The following EDEM3 variants were observed in gnomAD, a reference collection of about 807,000 sequenced individuals.
The protein encoded by EDEM3 is ER degradation-enhancing alpha-mannosidase-like protein 3.
In EDEM3, 60 loss-of-function variants were observed where a neutral mutation model predicts 110.2. That is an observed-to-expected ratio of 0.54 (90% confidence interval 0.44 to 0.67). The LOEUF (loss-of-function observed/expected upper bound fraction) is 0.67. Ranked by LOEUF, EDEM3 falls within the 30% of genes least tolerant of loss-of-function variation. The pLI, the probability that EDEM3 is intolerant of heterozygous loss-of-function variation, is 0.00. For missense variants in EDEM3, 996 were observed against 1,121.0 expected, an observed-to-expected ratio of 0.89 and a Z score of 1.59; for synonymous variants, 352 against 382.9, an observed-to-expected ratio of 0.92 and a Z score of 0.94.
At chr1:184,720,943 C>T (rs1650866225) in intron 9 of EDEM3, 2 of 190,616 alleles carry the variant, frequency 1.0e-5, no homozygotes, top group African/African-American at 2.4e-5. Flanking sequence ...TCCAAGATTT[C>T]AAAAAGAATT....
intron 7 of EDEM3, among the ~76,000 whole-genome samples, chr1:184,725,811 C>T (rs762188869): frequency 4.6e-5 from 7 of 151,880 alleles, no homozygotes; most frequent in Non-Finnish European, 8.8e-5. Context: ...TTGCAGTAAA[C>T]AAATTTACAG....
chr1:184,718,600 CA>C (rs777791746), intron 11 of EDEM3, among the ~76,000 whole-genome samples: 1 of 152,022 alleles, frequency 6.6e-6, no homozygotes, highest in South Asian at 2.1e-4. Flanking sequence ...TCTGGGAAGC[CA>C]AAAAGTATGC....
intron 9 of EDEM3, among the ~76,000 whole-genome samples, chr1:184,720,047 G>C (rs1558054986): frequency 6.6e-6 from 1 of 152,132 alleles, no homozygotes; most frequent in Non-Finnish European, 1.5e-5. Flanking sequence ...CTTATGGTTT[G>C]CTATCTCAGC....
intron 2 of EDEM3, among the ~76,000 whole-genome samples, chr1:184,748,482 AC>A (rs1412407584): frequency 2.6e-5 from 4 of 151,988 alleles, no homozygotes; most frequent in African/African-American, 7.2e-5. Context: ...AACAAAAAAA[AC>A]ATTAAGGGAA....
At chr1:184,737,849 C>A in intron 2 of EDEM3, 138 bp from the exon 3 acceptor site, 1 of 709,050 alleles carries the variant, frequency 1.4e-6, no homozygotes, top group Non-Finnish European at 2.2e-6. Context: ...GGAATCTTTT[C>A]AAAAATCTTT....
intron 2 of EDEM3, 88 bp downstream of exon 2, chr1:184,749,454 AATTGT>A: frequency 1.0e-6 from 1 of 986,982 alleles, no homozygotes; most frequent in Non-Finnish European, 1.5e-6. Flanking sequence ...TAAAAAATGT[AATTGT>A]ATTGTAGGTT....
At chr1:184,717,424 C>A in intron 12 of EDEM3, 116 bp downstream of exon 12, 1 of 718,612 alleles carries the variant, frequency 1.4e-6, no homozygotes, top group South Asian at 1.9e-5. Context: ...ATGATATATC[C>A]AATCATTATA....
At chr1:184,721,208 T>C (rs1394852524) in intron 9 of EDEM3, 81 bp downstream of exon 9, 1 of 1,063,768 alleles carries the variant, frequency 9.4e-7, no homozygotes. Flanking sequence ...ATTTTTACAA[T>C]GTCATTCAGG....
intron 1 of EDEM3, among the ~76,000 whole-genome samples, chr1:184,752,220 C>T (rs1029311176): frequency 1.3e-5 from 2 of 152,116 alleles, no homozygotes; most frequent in Non-Finnish European, 2.9e-5. Context: ...TACATATAAC[C>T]AGCTAAGTAA....
chr1:184,713,215 G>C (rs192339044), intron 13 of EDEM3, among the ~76,000 whole-genome samples: 8 of 152,068 alleles, frequency 5.3e-5, no homozygotes, highest in Non-Finnish European at 1.2e-4. Flanking sequence ...GCAGTGAGCC[G>C]AGTGCAGTGT....
intron 18 of EDEM3, among the ~76,000 whole-genome samples, 198 bp downstream of exon 18, chr1:184,706,445 A>G (rs1364804993): frequency 6.6e-6 from 1 of 152,230 alleles, no homozygotes; most frequent in Non-Finnish European, 1.5e-5. Flanking sequence ...ATTAATATAC[A>G]GAAATTCAAA....
chr1:184,735,787 G>C (rs933821763), intron 4 of EDEM3, among the ~76,000 whole-genome samples: 1 of 152,082 alleles, frequency 6.6e-6, no homozygotes, highest in African/African-American at 2.4e-5. Flanking sequence ...TATCACTTTT[G>C]GAATGAGACA....
intron 2 of EDEM3, among the ~76,000 whole-genome samples, chr1:184,739,194 T>G (rs1388811904): frequency 6.6e-6 from 1 of 150,836 alleles, no homozygotes; most frequent in African/African-American, 2.4e-5. Flanking sequence ...TGCCTATTCC[T>G]ACTCCAAAAC....
At position 184,726,212 on chromosome 1, in the gene EDEM3, T is replaced by C; in HGVS notation, c.747+43A>G. Reference sequence around the variant, plus strand: ...ACCAATGAAGAAGATATAAAGGTAGTTATGCCCAATACCCAGGATATCAAA... The same window carrying C: ...ACCAATGAAGAAGATATAAAGGTAGCTATGCCCAATACCCAGGATATCAAA... On this transcript the variant is annotated intron_variant, in intron 7 of 19. Coordinates refer to ENST00000318130, the MANE Select transcript of EDEM3 (RefSeq NM_025191.4). 3.1e-6 allele frequency: 5 copies of C among 1,598,176 alleles called. No individual in the cohort carries two copies. The African/African-American group carries it at 5.4e-5, about 17-fold the overall frequency.
chr1:184,699,189 A>C (rs1202058714), intron 19 of EDEM3, among the ~76,000 whole-genome samples: 1 of 151,864 alleles, frequency 6.6e-6, no homozygotes, highest in Non-Finnish European at 1.5e-5. Flanking sequence ...CCATTCATTC[A>C]TTCATTCATT....
In EDEM3 at chr1:184,694,178, T is replaced by C; in HGVS notation, c.2684A>G (p.Glu895Gly). 1 of 1,613,484 alleles carries C rather than the reference T, an allele frequency of 6.2e-7. No individual in the cohort carries two copies. The highest frequency in any genetic ancestry group is 8.5e-7 in the Non-Finnish European group (1 of 1,179,636). ...NQLQEQSETE[E>G]DSNPNVSWGK... ...CCAGCTAACATTAGGATTGGAATCT[T>C]CCTCAGTTTCTGATTGTTCTTGAAG... is the stretch of plus-strand genomic sequence containing the variant. The change falls in exon 20 of 20, where the codon GAA (glutamate) becomes GGA (glycine). Residue 895 changes from glutamate to glycine, a missense_variant. This residue lies in a region of EDEM3 where 345 missense variants were observed against 402.0 expected (regional missense o/e 0.86). Transcript: ENST00000318130.
chr1:184,699,199 T>C (rs1649482926), intron 19 of EDEM3, among the ~76,000 whole-genome samples: 2 of 151,882 alleles, frequency 1.3e-5, no homozygotes, highest in Non-Finnish European at 2.9e-5. Flanking sequence ...ATTCATTCAT[T>C]CATTCATCTG....
rs762382335 is a variant in EDEM3, at chr1:184,734,625, C to G, written c.364G>C (p.Glu122Gln). ...DTLVVLNKTK[E>Q]FEDAVRKVLR... ...ACTTTTCTCACTGCATCTTCAAATT[C>G]TTTAGTTTTATTTAAAACCTGGGAG... Residue 122 changes from glutamate (E) to glutamine (Q), a missense_variant, in exon 5 of 20, where the codon GAA (glutamate) becomes CAA (glutamine). Coordinates refer to ENST00000318130, the MANE Select transcript of EDEM3 (RefSeq NM_025191.4). 1.9e-5 allele frequency: 28 copies of G among 1,488,738 alleles called. No homozygotes were observed. The South Asian group carries it at 3.3e-4, about 18-fold the overall frequency. 92.2% of individuals were successfully genotyped at this position (1,488,738 alleles called of 1,614,324 possible).
intron 2 of EDEM3, among the ~76,000 whole-genome samples, chr1:184,748,910 G>A (rs1366054747): frequency 1.3e-5 from 2 of 152,160 alleles, no homozygotes; most frequent in Non-Finnish European, 2.9e-5. Context: ...AGGATAATAT[G>A]CTTAAACTCT....
Sources: allele counts gnomAD v4.1 joint callset (sites outside exome capture counted in the v4.1 genomes callset), GRCh38; gene constraint gnomAD v4.1.1; regional missense constraint gnomAD v4.1.1; transcripts MANE v1.5; gene names NCBI Gene and HGNC (gene_info 2026-07-23, HGNC 2026-07-21).